P4HA1: variants seen among roughly 807,000 people sequenced by gnomAD.
The protein encoded by P4HA1 is prolyl 4-hydroxylase subunit alpha 1.
Under a neutral mutation model 72.8 loss-of-function variants are expected in P4HA1, and 24 were observed. The observed-to-expected ratio is 0.33, with a 90% CI of 0.24 to 0.46. The LOEUF (loss-of-function observed/expected upper bound fraction) is 0.46, where lower values mean the gene tolerates loss of function less well. P4HA1 is among the 20% of genes least tolerant of loss of function. The pLI, the probability that P4HA1 is intolerant of heterozygous loss-of-function variation, is 1.00. For synonymous variants in P4HA1, 201 were observed against 218.8 expected (o/e 0.92, Z 0.72); for missense variants, 446 against 640.6 (o/e 0.70, Z 3.28).
At chr10:73,058,764 T>C (rs1841222075) in intron 5 of P4HA1, among the ~76,000 whole-genome samples, 1 of 151,086 alleles carries the variant, frequency 6.6e-6, no homozygotes, top group Non-Finnish European at 1.5e-5. Context: ...ATAACAGTAT[T>C]TATAGTATGC....
At position 73,079,185 on chromosome 10, in the gene P4HA1, G is replaced by A. The variant is rs1841770623; in HGVS notation, c.-32-4270C>T. On this transcript the variant is annotated intron_variant, in intron 1 of 14. Transcript: ENST00000394890. ...GATACTTAAGCCTAAACTGGGTGCA[G>A]TGGCTCATGCCTATAATCCCAACAC... Among the ~76,000 whole-genome samples the A allele has an allele frequency of 3.3e-5, 5 of 152,342 alleles. No homozygotes were observed. In the South Asian group the frequency reaches 1.0e-3, roughly 32 times the overall value.
chr10:73,024,254 T>G (rs2133051334), intron 10 of P4HA1, among the ~76,000 whole-genome samples: 1 of 152,290 alleles, frequency 6.6e-6, no homozygotes, highest in East Asian at 1.9e-4. Context: ...AAAGCACTCC[T>G]CAGCAAATGT....
intron 11 of P4HA1, among the ~76,000 whole-genome samples, chr10:73,016,147 T>C (rs1366363117): frequency 1.3e-5 from 2 of 152,128 alleles, no homozygotes; most frequent in Admixed American, 6.5e-5. Context: ...GTCCTTGCCA[T>C]GTGATCACCC....
chr10:73,058,774 C>CTTTTTTTTTT (rs151028824), intron 5 of P4HA1, among the ~76,000 whole-genome samples: 1 of 123,840 alleles, frequency 8.1e-6, no homozygotes, highest in African/African-American at 3.2e-5. Flanking sequence ...TTATAGTATG[C>CTTTTTTTTTT]TTTTTTTTTT....
chr10:73,020,925 A>G (rs952750668), intron 10 of P4HA1, among the ~76,000 whole-genome samples: 5 of 152,214 alleles, frequency 3.3e-5, no homozygotes, highest in African/African-American at 9.6e-5. Context: ...ACCTGAGGTC[A>G]GGAGTACGAG....
chr10:73,091,233 A>C (rs1051347673), intron 1 of P4HA1, among the ~76,000 whole-genome samples: 9 of 152,104 alleles, frequency 5.9e-5, no homozygotes, highest in African/African-American at 2.2e-4. Context: ...CCATAGGGCA[A>C]GAACAAAGGT....
chr10:73,083,465 A>G (rs1370599728), intron 1 of P4HA1, among the ~76,000 whole-genome samples: 3 of 152,226 alleles, frequency 2.0e-5, no homozygotes, highest in African/African-American at 7.2e-5. Flanking sequence ...GCTCTAAGTT[A>G]AGATATTGCC....
chr10:73,059,984 C>A (rs924540812), intron 5 of P4HA1, among the ~76,000 whole-genome samples: 2 of 151,904 alleles, frequency 1.3e-5, no homozygotes, highest in South Asian at 4.2e-4. Context: ...AAAGAAAAAA[C>A]GAGGACAATC....
intron 14 of P4HA1, among the ~76,000 whole-genome samples, chr10:73,009,046 A>G (rs1006695586): frequency 6.6e-6 from 1 of 152,142 alleles, no homozygotes; most frequent in Non-Finnish European, 1.5e-5. Context: ...AACAGAAAAC[A>G]GCTTTCTAAA....
At position 73,053,486 on chromosome 10, in the gene P4HA1, C is replaced by T. The variant is rs1485455049; in HGVS notation, c.568G>A (p.Ala190Thr). The T allele has an allele frequency of 1.2e-6, 2 of 1,614,126 alleles. No homozygotes were observed. The highest frequency in any genetic ancestry group is 3.3e-5 in the Admixed American group (2 of 60,026). Residue 190 changes from alanine (A) to threonine (T), a missense_variant, in exon 6 of 15, where the codon GCC (alanine) becomes ACC (threonine). Physicochemically the swap from Ala to Thr is moderately conservative, Grantham distance 58. Coordinates refer to ENST00000394890, the MANE Select transcript of P4HA1 (RefSeq NM_001017962.3). ...TCGCCTTCATCCAGTTGCCTTAGGG[C>T]TTGTTCCATCCACAGTTCCGTATGG... is the stretch of plus-strand genomic sequence containing the variant. ...YYHTELWMEQ[A>T]LRQLDEGEIS...
At chr10:73,060,261 G>C (rs192192894) in intron 5 of P4HA1, among the ~76,000 whole-genome samples, 214 of 151,964 alleles carry the variant, frequency 1.4e-3, no homozygotes, top group Non-Finnish European at 2.1e-3. Context: ...CAAATTTTCA[G>C]AAGAAAAGAG....
At chr10:73,031,286 C>A (rs1469106286) in intron 9 of P4HA1, among the ~76,000 whole-genome samples, 1 of 152,118 alleles carries the variant, frequency 6.6e-6, no homozygotes, top group Non-Finnish European at 1.5e-5. Flanking sequence ...GAGTTTGAGA[C>A]CAGCCTGGGC....
At chr10:73,051,386 A>G in intron 6 of P4HA1, 137 bp from the exon 7 acceptor site, 1 of 572,496 alleles carries the variant, frequency 1.7e-6, no homozygotes, top group Non-Finnish European at 3.1e-6. Flanking sequence ...AGGAGGCACT[A>G]ATAAAAATTA....
At chr10:73,095,929 T>TC (rs2133180602) in intron 1 of P4HA1, among the ~76,000 whole-genome samples, 1 of 151,190 alleles carries the variant, frequency 6.6e-6, no homozygotes, top group African/African-American at 2.4e-5. Flanking sequence ...GGGCCAGCCA[T>TC]GTAATCCAAC....
At chr10:73,012,818 G>A (rs1839935781) in intron 12 of P4HA1, among the ~76,000 whole-genome samples, 1 of 151,908 alleles carries the variant, frequency 6.6e-6, no homozygotes, top group Non-Finnish European at 1.5e-5. Context: ...TTTTGAGATG[G>A]AGCCACGCTC....
chr10:73,038,827 C>T (rs1840664593), intron 9 of P4HA1, among the ~76,000 whole-genome samples: 1 of 115,424 alleles, frequency 8.7e-6, no homozygotes, highest in Non-Finnish European at 1.6e-5. Context: ...GAGGTTTCAC[C>T]GTTTTAGCCG....
chr10:73,081,380 A>G (rs180959388), intron 1 of P4HA1, among the ~76,000 whole-genome samples: 1 of 152,342 alleles, frequency 6.6e-6, no homozygotes, highest in East Asian at 1.9e-4. Flanking sequence ...GATAGGTTCA[A>G]AAGTGTTTAT....
chr10:73,030,009 G>A (rs901132895), intron 10 of P4HA1, among the ~76,000 whole-genome samples: 2 of 152,170 alleles, frequency 1.3e-5, no homozygotes, highest in Admixed American at 6.5e-5. Flanking sequence ...AAATTACAGT[G>A]TACTTAGTAA....
chr10:73,070,285 T>C (rs1841530129), intron 4 of P4HA1, among the ~76,000 whole-genome samples: 1 of 150,196 alleles, frequency 6.7e-6, no homozygotes, highest in Admixed American at 6.7e-5. Flanking sequence ...GCCTCCCGAC[T>C]AGCTGGGATT....
Sources: gnomAD v4.1 joint callset for allele counts (sites outside exome capture counted in the v4.1 genomes callset) on GRCh38, gnomAD v4.1.1 for gene constraint, MANE v1.5 for transcripts, NCBI Gene and HGNC (gene_info 2026-07-23, HGNC 2026-07-21) for gene names.